STK39: variants seen among roughly 807,000 people sequenced by gnomAD.
STK39 encodes the protein serine/threonine kinase 39, also known as STE20/SPS1-related proline-alanine-rich protein kinase.
A neutral mutation model predicts 77.8 loss-of-function variants in STK39; 20 were observed. The ratio of observed to expected loss-of-function variants is 0.26; its 90% CI spans 0.18 to 0.37. The LOEUF (loss-of-function observed/expected upper bound fraction) is 0.37, where lower values mean the gene tolerates loss of function less well. Among genes scored for constraint, STK39 ranks in the 10% least tolerant of loss-of-function variants. The pLI is 1.00. For missense variants in STK39, 479 were observed against 656.5 expected, an observed-to-expected ratio of 0.73 and a Z score of 2.95; for synonymous variants, 246 against 234.1, an observed-to-expected ratio of 1.05 and a Z score of -0.47.
At chr2:168,224,912 G>C (rs1258600900) in intron 1 of STK39, among the ~76,000 whole-genome samples, 1 of 152,192 alleles carries the variant, frequency 6.6e-6, no homozygotes, top group African/African-American at 2.4e-5. Flanking sequence ...TCTCAAATCA[G>C]ATTACATTTC....
At chr2:167,989,191 T>C (rs995335113) in intron 16 of STK39, among the ~76,000 whole-genome samples, 2 of 152,172 alleles carry the variant, frequency 1.3e-5, no homozygotes, top group Non-Finnish European at 2.9e-5. Context: ...ACCTGGGGCA[T>C]CCTTTAAGCA....
Position 168,065,344 on chromosome 2 carries a change from T to G in STK39, c.1280A>C (p.Gln427Pro), listed in dbSNP as rs1222091118. 6.2e-7 allele frequency: 1 copy of G among 1,614,106 alleles called. No homozygotes were observed. The highest frequency in any genetic ancestry group is 8.5e-7 in the Non-Finnish European group (1 of 1,179,956). Residue 427 changes from glutamine (Q) to proline (P), a missense_variant, in exon 13 of 18, where the codon CAG (glutamine) becomes CCG (proline). This residue lies in a region of STK39 where 244 missense variants were observed against 296.8 expected (regional missense o/e 0.82). Coordinates refer to ENST00000355999, the MANE Select transcript of STK39 (RefSeq NM_013233.3). ...CTGAGAGTCGTGCACAGAGAGGGAC[T>G]GTATTTGTTCGGGGATGGTGCTGGC... ...VSASTIPEQI[Q>P]SLSVHDSQGP...
At chr2:168,129,419 A>T in intron 10 of STK39, 122 bp downstream of exon 10, 1 of 1,049,358 alleles carries the variant, frequency 9.5e-7, no homozygotes, top group Non-Finnish European at 1.4e-6. Context: ...AGTAATCACT[A>T]ATGAGATATA....
At chr2:167,965,963 GA>G (rs1247596300) in intron 16 of STK39, among the ~76,000 whole-genome samples, 1 of 152,086 alleles carries the variant, frequency 6.6e-6, no homozygotes, top group Non-Finnish European at 1.5e-5. Context: ...GGAGAAAAAA[GA>G]AAAATTATGT....
intron 1 of STK39, among the ~76,000 whole-genome samples, chr2:168,225,762 A>G (rs1374451196): frequency 6.6e-6 from 1 of 152,212 alleles, no homozygotes; most frequent in Admixed American, 6.5e-5. Context: ...TCTCGTGACC[A>G]GTTACTTACC....
At chr2:168,050,131 A>C (rs715878) in intron 14 of STK39, among the ~76,000 whole-genome samples, 1 of 152,128 alleles carries the variant, frequency 6.6e-6, no homozygotes, top group East Asian at 1.9e-4. Context: ...AACATTTGGC[A>C]TACACTGGGC....
chr2:168,082,527 C>T (rs368328451), intron 10 of STK39, among the ~76,000 whole-genome samples: 4 of 152,330 alleles, frequency 2.6e-5, no homozygotes, highest in African/African-American at 9.6e-5. Context: ...CACTGCTGAA[C>T]TCCATTCTTT....
chr2:168,131,922 A>G (rs1392978532), intron 8 of STK39, among the ~76,000 whole-genome samples: 1 of 152,206 alleles, frequency 6.6e-6, no homozygotes, highest in Non-Finnish European at 1.5e-5. Context: ...ACTGTTTGTC[A>G]GGCATTATGC....
intron 10 of STK39, among the ~76,000 whole-genome samples, chr2:168,111,174 T>C (rs1687112053): frequency 6.6e-6 from 1 of 152,188 alleles, no homozygotes; most frequent in South Asian, 2.1e-4. Flanking sequence ...TAAAAATCTC[T>C]GTTGAAGCTA....
intron 1 of STK39, among the ~76,000 whole-genome samples, chr2:168,190,941 T>C (rs1022297551): frequency 2.6e-5 from 4 of 152,108 alleles, no homozygotes. Flanking sequence ...CACAAAGAAA[T>C]GTCTATTGCT....
At chr2:168,203,459 G>GA (rs138029489) in intron 1 of STK39, among the ~76,000 whole-genome samples, 4,959 of 147,454 alleles carry the variant, frequency 0.034, 242 homozygotes, top group African/African-American at 0.12. Flanking sequence ...GAAGACAAAA[G>GA]AAAAAAAAAA....
rs551006013 is a variant in STK39 at position 168,137,105 on chromosome 2, C to A, written c.974+983G>T. Among the ~76,000 whole-genome samples the A allele has an allele frequency of 7.2e-5, 11 of 152,316 alleles. No homozygotes were observed. The East Asian group carries it at 2.1e-3, about 29-fold the overall frequency. ...ACTAGAGAAGGCTTGCCTACTCAAACTGTAAGTTACTGTGTAAAGGCTTAA... is the reference window on the plus strand; with the variant it reads ...ACTAGAGAAGGCTTGCCTACTCAAAATGTAAGTTACTGTGTAAAGGCTTAA... On this transcript the variant is annotated intron_variant, in intron 8 of 17. Coordinates refer to ENST00000355999, the MANE Select transcript of STK39 (RefSeq NM_013233.3).
rs533611329 is a variant in STK39 at position 168,062,942 on chromosome 2, G to A, written c.1376+558C>T. ...TAATTAAAAAAAAAATCCTTAAAACGGAAAACGCTTTCATTCACACTACTG... is the reference window on the plus strand; with the variant it reads ...TAATTAAAAAAAAAATCCTTAAAACAGAAAACGCTTTCATTCACACTACTG... On this transcript the variant is annotated intron_variant, in intron 14 of 17. Coordinates refer to ENST00000355999, the MANE Select transcript of STK39 (RefSeq NM_013233.3). Among the ~76,000 whole-genome samples the A allele has an allele frequency of 1.0e-3, 158 of 152,014 alleles. 1 individual carries two copies. The highest frequency in any genetic ancestry group is 1.6e-3 in the Admixed American group (24 of 15,282).
intron 16 of STK39, among the ~76,000 whole-genome samples, chr2:167,993,137 G>A (rs146026807): frequency 3.3e-5 from 5 of 152,320 alleles, no homozygotes; most frequent in East Asian, 1.9e-4. Flanking sequence ...CAGAATGAGC[G>A]ATTTATGTAA....
chr2:168,166,752 G>C (rs1688702510), intron 3 of STK39, among the ~76,000 whole-genome samples: 1 of 152,194 alleles, frequency 6.6e-6, no homozygotes, highest in Admixed American at 6.5e-5. Context: ...CATGGGATTA[G>C]TAAAAAGTAG....
chr2:168,104,998 T>C (rs1457906305), intron 10 of STK39, among the ~76,000 whole-genome samples: 1 of 152,096 alleles, frequency 6.6e-6, no homozygotes, highest in African/African-American at 2.4e-5. Context: ...GATGTGGAAA[T>C]ATAATCAGTG....
At chr2:168,156,041 G>C (rs189296716) in intron 5 of STK39, among the ~76,000 whole-genome samples, 1 of 152,192 alleles carries the variant, frequency 6.6e-6, no homozygotes, top group South Asian at 2.1e-4. Flanking sequence ...AGTCTGAAGG[G>C]AAGATGGGAA....
intron 14 of STK39, among the ~76,000 whole-genome samples, chr2:168,056,771 G>T (rs534057791): frequency 8.5e-5 from 13 of 152,274 alleles, no homozygotes; most frequent in African/African-American, 3.1e-4. Context: ...AAACAAATGA[G>T]GAAGGTGCAA....
At chr2:168,045,210 T>G (rs77717144) in intron 14 of STK39, among the ~76,000 whole-genome samples, 5,259 of 152,294 alleles carry the variant, frequency 0.035, 131 homozygotes, top group Non-Finnish European at 0.051. Flanking sequence ...ACCTGTGCCT[T>G]GGTACATTTT....
Sources: gnomAD v4.1 joint callset for allele counts (sites outside exome capture counted in the v4.1 genomes callset) on GRCh38, gnomAD v4.1.1 for gene constraint, gnomAD v4.1.1 regional missense constraint, MANE v1.5 for transcripts, NCBI Gene and HGNC (gene_info 2026-07-23, HGNC 2026-07-21) for gene names.